The following DESI2 variants were observed in gnomAD, a reference collection of about 807,000 sequenced individuals.
DESI2 encodes deubiquitinase DESI2.
A neutral mutation model predicts 24.1 loss-of-function variants in DESI2; 10 were observed. The ratio of observed to expected loss-of-function variants is 0.41; its 90% CI spans 0.26 to 0.70. The LOEUF (loss-of-function observed/expected upper bound fraction) is 0.70, where lower values mean the gene tolerates loss of function less well. Among genes scored for constraint, DESI2 ranks in the 30% least tolerant of loss-of-function variants. DESI2 has a pLI of 0.29. For missense variants in DESI2, 122 were observed against 234.9 expected (o/e 0.52, Z 3.14); for synonymous variants, 71 against 87.7 (o/e 0.81, Z 1.06).
chr1:244,686,670 G>A lies in DESI2; in HGVS notation c.115+1G>A. The stretch of plus-strand genomic sequence containing the variant: ...TCAGGAATTGAAGTCTATGGCAGAG[G>A]TACGTGTACACACAGTCTAAATATA... On this transcript the variant is annotated splice_donor_variant, in intron 2 of 4. Transcript: ENST00000302550. LOFTEE classifies it high-confidence loss of function. 6.3e-7 allele frequency: 1 copy of A among 1,589,046 alleles called. No homozygotes were observed. The highest frequency in any genetic ancestry group is 8.6e-7 in the Non-Finnish European group (1 of 1,157,132).
chr1:244,672,286 A>G (rs1387852540), intron 1 of DESI2, among the ~76,000 whole-genome samples: 3 of 152,170 alleles, frequency 2.0e-5, no homozygotes, highest in African/African-American at 2.4e-5. Flanking sequence ...CACTCAGTTC[A>G]TGGGAGATCT....
chr1:244,694,747 G>C lies in DESI2; in HGVS notation c.351+2727G>C, dbSNP rs1677152063. ...TTGCTTCTGTGGCTAAGACCAGAGA[G>C]ATTCATTAAGTTTTATTAGAACACA... is the stretch of plus-strand genomic sequence containing the variant. On this transcript the variant is annotated intron_variant, in intron 4 of 4. Transcript: ENST00000302550. 9.7e-6 allele frequency: 6 copies of C among 616,420 alleles called. No homozygotes were observed. In the Admixed American group the frequency reaches 1.7e-4, roughly 18 times the overall value. The allele number at this position is 616,420 out of a possible 1,614,324, so 38.2% of individuals were successfully genotyped here. A position where few individuals can be genotyped will look rare whatever the true frequency, so the allele number is the denominator to read the frequency against.
Position 244,659,659 on chromosome 1 carries a change from A to T in DESI2, c.42+6304A>T, listed in dbSNP as rs535865687. ...CAGCCACAGAAAGTTTTCTGTTTTTAAGAGGCCAGGTAATTGAGACCCACC... is the reference window on the plus strand; with the variant it reads ...CAGCCACAGAAAGTTTTCTGTTTTTTAGAGGCCAGGTAATTGAGACCCACC... On this transcript the variant is annotated intron_variant, in intron 1 of 4. Coordinates refer to ENST00000302550, the MANE Select transcript of DESI2 (RefSeq NM_016076.5). Among the ~76,000 whole-genome samples the T allele has an allele frequency of 7.9e-5, 12 of 152,296 alleles. No individual in the cohort carries two copies. The East Asian group carries it at 1.9e-3, about 24-fold the overall frequency.
chr1:244,657,881 G>A (rs1429463138), intron 1 of DESI2, among the ~76,000 whole-genome samples: 6 of 152,176 alleles, frequency 3.9e-5, no homozygotes, highest in Non-Finnish European at 7.3e-5. Context: ...CTCCTTCCCC[G>A]AAGAGATTAT....
chr1:244,653,209 A>T lies in DESI2; in HGVS notation c.-105A>T. On this transcript the variant is annotated 5_prime_UTR_variant, in exon 1 of 5. The change abolishes the stop of an existing upstream ORF in the 5' untranslated region. Transcript: ENST00000302550. ...CTGCCGCGGGCCGGGCTGTACGCTT[A>T]GTGCCCGGCTCAGGCCCCCTGAAGC... 1 of 1,206,082 alleles carries T rather than the reference A, an allele frequency of 8.3e-7. No individual in the cohort carries two copies. Among genetic ancestry groups the T allele is most frequent in the Non-Finnish European group, 1.1e-6 (1 of 907,932 alleles). The allele number at this position is 1,206,082 out of a possible 1,614,324, so 74.7% of individuals were successfully genotyped here.
intron 1 of DESI2, among the ~76,000 whole-genome samples, chr1:244,679,440 A>G (rs905524070): frequency 6.6e-6 from 1 of 152,202 alleles, no homozygotes; most frequent in African/African-American, 2.4e-5. Flanking sequence ...CTTCATTCAG[A>G]TGTACCAGTT....
chr1:244,703,524 T>TTG (rs1470808665), intron 4 of DESI2, among the ~76,000 whole-genome samples: 1 of 151,722 alleles, frequency 6.6e-6, no homozygotes, highest in Non-Finnish European at 1.5e-5. Context: ...CCCAGCAAAT[T>TTG]TGTGTGTGTG....
At chr1:244,693,315 G>A (rs1249821807) in intron 4 of DESI2, among the ~76,000 whole-genome samples, 2 of 152,064 alleles carry the variant, frequency 1.3e-5, no homozygotes, top group African/African-American at 4.8e-5. Flanking sequence ...ATCAGCCCTG[G>A]TCTAACCCCA....
At chr1:244,654,042 C>T in intron 1 of DESI2, 1 of 470,548 alleles carries the variant, frequency 2.1e-6, no homozygotes, top group Non-Finnish European at 4.4e-6. Flanking sequence ...CAACAGGTGA[C>T]GTGACCACGG....
At chr1:244,703,288 T>C (rs1677550616) in intron 4 of DESI2, among the ~76,000 whole-genome samples, 1 of 152,074 alleles carries the variant, frequency 6.6e-6, no homozygotes, top group East Asian at 1.9e-4. Flanking sequence ...AGGCATAAGA[T>C]ACCACCTCAC....
intron 4 of DESI2, among the ~76,000 whole-genome samples, chr1:244,698,356 A>C (rs1392649480): frequency 6.6e-6 from 1 of 152,246 alleles, no homozygotes; most frequent in Non-Finnish European, 1.5e-5. Context: ...TACACTTCTA[A>C]ACATTTTTAA....
chr1:244,681,938 T>C (rs1676628515), intron 1 of DESI2, among the ~76,000 whole-genome samples: 2 of 152,200 alleles, frequency 1.3e-5, no homozygotes, highest in South Asian at 4.1e-4. Context: ...TCGTGGTGAG[T>C]GTTAAGTTCT....
At position 244,707,892 on chromosome 1, in the gene DESI2, G is replaced by C. The variant is rs567840210; in HGVS notation, c.*2103G>C. 1 of 152,304 alleles carries C rather than the reference G, an allele frequency of 6.6e-6. No homozygotes were observed. The highest frequency in any genetic ancestry group is 2.1e-4 in the South Asian group (1 of 4,828). 9.4% of individuals were successfully genotyped at this position (152,304 alleles called of 1,614,324 possible). A position where few individuals can be genotyped will look rare whatever the true frequency, so the allele number is the denominator to read the frequency against. On this transcript the variant is annotated 3_prime_UTR_variant, in exon 5 of 5. Transcript: ENST00000302550. ...ATTTGGAGTTTAAAAATAATGTAAA[G>C]GGTTCTAGTAGAAATAGTGTCCTAA...
chr1:244,694,701 G>T (rs1021658550), intron 4 of DESI2: 2 of 726,644 alleles, frequency 2.8e-6, no homozygotes, highest in Non-Finnish European at 5.1e-6. Flanking sequence ...CTTTCCAAAC[G>T]ATGATGTTGC....
At chr1:244,694,403 C>T (rs1677136142) in intron 4 of DESI2, 1 of 691,368 alleles carries the variant, frequency 1.4e-6, no homozygotes, top group African/African-American at 1.8e-5. Flanking sequence ...ACCGGAACAT[C>T]TATTGCATTA....
intron 1 of DESI2, among the ~76,000 whole-genome samples, chr1:244,682,292 G>A (rs1237321972): frequency 6.6e-6 from 1 of 152,134 alleles, no homozygotes; most frequent in East Asian, 1.9e-4. Context: ...ACAGAGCGCT[G>A]ATGGGTGCAT....
At chr1:244,686,323 C>A (rs1052877744) in intron 1 of DESI2, among the ~76,000 whole-genome samples, 1 of 151,656 alleles carries the variant, frequency 6.6e-6, no homozygotes, top group Admixed American at 6.6e-5. Flanking sequence ...AATCTCTCCC[C>A]CCACCGCCCC....
intron 1 of DESI2, among the ~76,000 whole-genome samples, chr1:244,661,352 T>C (rs1675833202): frequency 1.3e-5 from 2 of 152,216 alleles, no homozygotes; most frequent in African/African-American, 2.4e-5. Context: ...TCCTTCCTTT[T>C]TAAGGCTGAG....
At chr1:244,701,356 A>G (rs1467865905) in intron 4 of DESI2, among the ~76,000 whole-genome samples, 6 of 152,168 alleles carry the variant, frequency 3.9e-5, no homozygotes, top group Non-Finnish European at 7.4e-5. Context: ...ATCTTTTCTA[A>G]TGGAGTCAAT....
Sources: gnomAD v4.1 joint callset for allele counts (sites outside exome capture counted in the v4.1 genomes callset) on GRCh38, gnomAD v4.1.1 for gene constraint, MANE v1.5 for transcripts, NCBI Gene and HGNC (gene_info 2026-07-23, HGNC 2026-07-21) for gene names.